The following HS2ST1 variants were observed in gnomAD, a reference collection of about 807,000 sequenced individuals.
HS2ST1 encodes the protein heparan sulfate 2-O-sulfotransferase 1.
Under a neutral mutation model 42.9 loss-of-function variants are expected in HS2ST1, and 18 were observed. The observed-to-expected ratio is 0.42, with a 90% CI of 0.29 to 0.62. The LOEUF is 0.62. HS2ST1 is among the 20% of genes least tolerant of loss of function. HS2ST1 has a pLI of 0.21. For missense variants in HS2ST1, 334 were observed against 433.8 expected (o/e 0.77, Z 2.04); for synonymous variants, 146 against 152.9 (o/e 0.95, Z 0.33).
chr1:87,035,978 C>T (rs1055571403), intron 1 of HS2ST1, among the ~76,000 whole-genome samples: 1 of 152,052 alleles, frequency 6.6e-6, no homozygotes, highest in South Asian at 2.1e-4. Flanking sequence ...TTCTAGTCTT[C>T]CACCCCCTGA....
chr1:86,930,706 G>A (rs934745971), intron 1 of HS2ST1, among the ~76,000 whole-genome samples: 2 of 151,914 alleles, frequency 1.3e-5, no homozygotes, highest in African/African-American at 4.8e-5. Flanking sequence ...TGAGTTACCA[G>A]TTTAATTTGA....
chr1:86,917,594 T>C (rs553854174), intron 1 of HS2ST1, among the ~76,000 whole-genome samples: 2 of 152,144 alleles, frequency 1.3e-5, no homozygotes, highest in South Asian at 2.1e-4. Context: ...GTTATATAAC[T>C]TGCCCAAGAC....
chr1:86,920,526 G>A (rs1660270405), intron 1 of HS2ST1, among the ~76,000 whole-genome samples: 1 of 152,180 alleles, frequency 6.6e-6, no homozygotes, highest in Admixed American at 6.5e-5. Flanking sequence ...TGAATAGGAT[G>A]TCTAGTGCCA....
chr1:87,030,307 T>C (rs371496546), intron 1 of HS2ST1, among the ~76,000 whole-genome samples: 5 of 152,326 alleles, frequency 3.3e-5, no homozygotes, highest in African/African-American at 1.2e-4. Flanking sequence ...AAGACCAGCC[T>C]GGGCAACATA....
chr1:86,983,376 G>C (rs564865720), intron 1 of HS2ST1, among the ~76,000 whole-genome samples: 1 of 152,206 alleles, frequency 6.6e-6, no homozygotes. Context: ...AGAAGGTGAA[G>C]GGAAAACAAG....
intron 1 of HS2ST1, among the ~76,000 whole-genome samples, chr1:86,993,466 A>G (rs1459624578): frequency 1.3e-5 from 2 of 152,084 alleles, no homozygotes; most frequent in Non-Finnish European, 2.9e-5. Context: ...CTGACTAGTT[A>G]CCCTCTCCTT....
chr1:87,025,823 A>G (rs1028203246), intron 1 of HS2ST1, among the ~76,000 whole-genome samples: 1 of 152,150 alleles, frequency 6.6e-6, no homozygotes, highest in African/African-American at 2.4e-5. Flanking sequence ...TGATTCTTCC[A>G]GGAATTAAGA....
At chr1:87,052,239 C>T (rs767734952) in intron 1 of HS2ST1, among the ~76,000 whole-genome samples, 6 of 151,760 alleles carry the variant, frequency 4.0e-5, no homozygotes, top group African/African-American at 9.7e-5. Context: ...GGTGACAGAG[C>T]GAGACCCTGT....
intron 1 of HS2ST1, among the ~76,000 whole-genome samples, chr1:87,011,415 T>A (rs986677352): frequency 1.4e-4 from 21 of 151,974 alleles, no homozygotes; most frequent in Non-Finnish European, 1.8e-4. Flanking sequence ...GCTAATTTTT[T>A]AATTTTTTTG....
intron 1 of HS2ST1, among the ~76,000 whole-genome samples, chr1:86,976,721 T>TATATATATA (rs61660936): frequency 1.3e-4 from 17 of 135,636 alleles, no homozygotes; most frequent in South Asian, 2.5e-4. Flanking sequence ...TATATATATA[T>TATATATATA]TTTAAATGCC....
At chr1:86,975,125 A>G (rs1648356922) in intron 1 of HS2ST1, among the ~76,000 whole-genome samples, 1 of 152,112 alleles carries the variant, frequency 6.6e-6, no homozygotes, top group Admixed American at 6.6e-5. Context: ...ATCTACATGA[A>G]CCTTAAATTT....
At chr1:87,031,602 TG>T (rs1275623664) in intron 1 of HS2ST1, among the ~76,000 whole-genome samples, 2 of 152,234 alleles carry the variant, frequency 1.3e-5, no homozygotes. Context: ...GCAAGACTAT[TG>T]ATTAAGGAAA....
chr1:86,963,956 A>C (rs1457586594), intron 1 of HS2ST1, among the ~76,000 whole-genome samples: 1 of 134,988 alleles, frequency 7.4e-6, no homozygotes, highest in African/African-American at 2.9e-5. Flanking sequence ...TCACTTCCCA[A>C]ATGGGTCGGC....
intron 2 of HS2ST1, among the ~76,000 whole-genome samples, chr1:87,083,374 C>T (rs1651738438): frequency 6.6e-6 from 1 of 152,154 alleles, no homozygotes; most frequent in Non-Finnish European, 1.5e-5. Flanking sequence ...CCACTTTCTG[C>T]ACTCTATCTA....
At chr1:86,981,536 A>G (rs996648113) in intron 1 of HS2ST1, among the ~76,000 whole-genome samples, 22 of 152,212 alleles carry the variant, frequency 1.4e-4, no homozygotes, top group African/African-American at 5.3e-4. Flanking sequence ...TTCCCATTGC[A>G]ACTTGGAGAA....
At chr1:86,949,648 AATT>A (rs1647444817) in intron 1 of HS2ST1, among the ~76,000 whole-genome samples, 1 of 152,198 alleles carries the variant, frequency 6.6e-6, no homozygotes. Flanking sequence ...GTTTAAAGTA[AATT>A]AAAAATTCTG....
At chr1:87,027,907 C>T (rs1293706167) in intron 1 of HS2ST1, among the ~76,000 whole-genome samples, 1 of 152,212 alleles carries the variant, frequency 6.6e-6, no homozygotes, top group African/African-American at 2.4e-5. Context: ...CCAGGCTGGT[C>T]TTAAACTCCT....
chr1:86,931,946 C>T (rs1660552840), intron 1 of HS2ST1, among the ~76,000 whole-genome samples: 1 of 151,794 alleles, frequency 6.6e-6, no homozygotes, highest in Non-Finnish European at 1.5e-5. Context: ...ACTTTTCTTT[C>T]TTCTTTTTGT....
chr1:87,027,181 A>G (rs1438634659), intron 1 of HS2ST1, among the ~76,000 whole-genome samples: 1 of 152,056 alleles, frequency 6.6e-6, no homozygotes, highest in Non-Finnish European at 1.5e-5. Flanking sequence ...TCTTTGTCCA[A>G]CTGTTACTTT....
Sources: allele counts gnomAD v4.1 joint callset (sites outside exome capture counted in the v4.1 genomes callset), GRCh38; gene constraint gnomAD v4.1.1; transcripts MANE v1.5; gene names NCBI Gene and HGNC (gene_info 2026-07-23, HGNC 2026-07-21).